The following GLG1 variants were observed in gnomAD, a reference collection of about 807,000 sequenced individuals.
The protein encoded by GLG1 is Golgi apparatus protein 1.
A neutral mutation model predicts 160.5 loss-of-function variants in GLG1; 38 were observed. That is an observed-to-expected ratio of 0.24 (90% CI 0.18 to 0.31). The LOEUF (loss-of-function observed/expected upper bound fraction) is 0.31. Among genes scored for constraint, GLG1 ranks in the 10% least tolerant of loss-of-function variants. The pLI is 1.00. For missense variants in GLG1, 1,373 were observed against 1,505.2 expected (o/e 0.91, Z 1.45); for synonymous variants, 644 against 543.4 (o/e 1.19, Z -2.57).
At chr16:74,528,638 C>A (rs1001837311) in intron 2 of GLG1, among the ~76,000 whole-genome samples, 1 of 151,360 alleles carries the variant, frequency 6.6e-6, no homozygotes, top group African/African-American at 2.4e-5. Context: ...ATGGTGAAAC[C>A]CTGTCCCTAC....
chr16:74,499,761 T>G (rs1371481110), intron 4 of GLG1, among the ~76,000 whole-genome samples: 1 of 152,200 alleles, frequency 6.6e-6, no homozygotes. Flanking sequence ...CCCAGCGCTT[T>G]GGGAGGCCGA....
intron 1 of GLG1, among the ~76,000 whole-genome samples, chr16:74,567,539 T>C (rs1461058175): frequency 6.7e-6 from 1 of 149,698 alleles, no homozygotes; most frequent in African/African-American, 2.5e-5. Flanking sequence ...AACCTTACTA[T>C]ATATGGTGCA....
At chr16:74,595,703 T>G (rs369162070) in intron 1 of GLG1, among the ~76,000 whole-genome samples, 1 of 152,392 alleles carries the variant, frequency 6.6e-6, no homozygotes, top group South Asian at 2.1e-4. Flanking sequence ...GTGCTATTCA[T>G]AAGTATGTGA....
rs200872129 is a variant in GLG1, at chr16:74,517,646, A to G, written c.472-8721T>C. Among the ~76,000 whole-genome samples the G allele has an allele frequency of 4.6e-5, 7 of 152,174 alleles. No homozygotes were observed. In the East Asian group the frequency reaches 1.3e-3, roughly 29 times the overall value. ...TCCCTTTGAAAACCAGCAAAAGACA[A>G]GGATGCCCTCTCTCACCACTCCTAT... On this transcript the variant is annotated intron_variant, in intron 2 of 25. Coordinates refer to ENST00000422840, the MANE Select transcript of GLG1 (RefSeq NM_001145667.2).
At chr16:74,479,733 C>T (rs1382033746) in intron 11 of GLG1, among the ~76,000 whole-genome samples, 1 of 152,108 alleles carries the variant, frequency 6.6e-6, no homozygotes, top group Non-Finnish European at 1.5e-5. Context: ...GGGAAGCAGC[C>T]GATGCTGCCG....
chr16:74,509,528 G>A (rs535047943), intron 2 of GLG1, among the ~76,000 whole-genome samples: 35 of 151,816 alleles, frequency 2.3e-4, no homozygotes, highest in Non-Finnish European at 4.4e-4. Context: ...TAGTTTCTAG[G>A]CATATTTATC....
chr16:74,450,130 T>C lies in GLG1; in HGVS notation c.*3037A>G, dbSNP rs1193061948. 1 of 152,284 alleles carries C rather than the reference T, an allele frequency of 6.6e-6. No individual in the cohort carries two copies. Among genetic ancestry groups the C allele is most frequent in the Non-Finnish European group, 1.5e-5 (1 of 68,110 alleles). The allele number at this position is 152,284 out of a possible 1,614,324, so 9.4% of individuals were successfully genotyped here. ...CCAGATGACAGTGACCCAGCTGCTATAACTGTTAGCAAGTACCTGAAGCCT... is the reference window on the plus strand; with the variant it reads ...CCAGATGACAGTGACCCAGCTGCTACAACTGTTAGCAAGTACCTGAAGCCT... On this transcript the variant is annotated 3_prime_UTR_variant, in exon 26 of 26. Transcript: ENST00000422840.
rs1042869840 is a variant in GLG1 at position 74,449,146 on chromosome 16, G to A, written c.*4021C>T. The A allele has an allele frequency of 2.6e-5, 4 of 152,290 alleles. No individual in the cohort carries two copies. Among genetic ancestry groups the A allele is most frequent in the Non-Finnish European group, 5.9e-5 (4 of 68,146 alleles). The allele number at this position is 152,290 out of a possible 1,614,324, so 9.4% of individuals were successfully genotyped here. A position where few individuals can be genotyped will look rare whatever the true frequency, so the allele number is the denominator to read the frequency against. Reference sequence around the variant, plus strand: ...AAAAGCCATTACGGCCAAAATTTAGGCTGACTGTTCTAGGGCTGGCTGACT... The same window carrying A: ...AAAAGCCATTACGGCCAAAATTTAGACTGACTGTTCTAGGGCTGGCTGACT... On this transcript the variant is annotated 3_prime_UTR_variant, in exon 26 of 26. Transcript: ENST00000422840.
chr16:74,491,352 A>T (rs1040956816), intron 7 of GLG1, 137 bp from the exon 8 acceptor site: 1 of 677,784 alleles, frequency 1.5e-6, no homozygotes, highest in African/African-American at 1.8e-5. Flanking sequence ...TGAAAAGTTT[A>T]GAATTAGCAA....
At chr16:74,494,932 C>T (rs1309955703) in intron 5 of GLG1, 101 bp from the exon 6 acceptor site, 3 of 599,232 alleles carry the variant, frequency 5.0e-6, no homozygotes, top group Non-Finnish European at 9.1e-6. Flanking sequence ...CGATTATAAT[C>T]GTACATACCT....
intron 8 of GLG1, among the ~76,000 whole-genome samples, chr16:74,486,770 C>G (rs999134464): frequency 6.6e-6 from 1 of 152,026 alleles, no homozygotes; most frequent in African/African-American, 2.4e-5. Context: ...TTGATTACCT[C>G]TAAGTTTTAG....
At chr16:74,480,212 A>G (rs2143307832) in intron 11 of GLG1, 29 bp downstream of exon 11, 1 of 1,546,304 alleles carries the variant, frequency 6.5e-7, no homozygotes, top group East Asian at 2.2e-5. Flanking sequence ...TGACAAGAAG[A>G]AGAAATGAAG....
At chr16:74,546,601 C>A (rs1280131024) in intron 1 of GLG1, among the ~76,000 whole-genome samples, 1 of 151,604 alleles carries the variant, frequency 6.6e-6, no homozygotes. Context: ...CTTTGGGAGG[C>A]CAAGGCAAGG....
At chr16:74,512,160 C>CTTTTTT (rs71848568) in intron 2 of GLG1, among the ~76,000 whole-genome samples, 5 of 135,846 alleles carry the variant, frequency 3.7e-5, no homozygotes, top group South Asian at 2.4e-4. Context: ...TCTTTTATTT[C>CTTTTTT]TTTTTTTTTT....
chr16:74,453,259 C>G lies in GLG1; in HGVS notation c.3448G>C (p.Val1150Leu). The stretch of plus-strand genomic sequence containing the variant: ...AATATACAGATGCTCCCACTGATCA[C>G]AGAGAGAATGTAGTTCTTAGATGGA... The part of the protein sequence containing the change: ...TSPSKNYILS[V>L]ISGSICILFL... Residue 1150 changes from valine to leucine, a missense_variant, in exon 26 of 26, where the codon GTG becomes CTG. By Grantham distance (32) the Val-to-Leu change is conservative (BLOSUM62 1). This residue lies in a region of GLG1 where 491 missense variants were observed against 632.1 expected (regional missense o/e 0.78). Coordinates refer to ENST00000422840, the MANE Select transcript of GLG1 (RefSeq NM_001145667.2). 1.9e-6 allele frequency: 3 copies of G among 1,613,700 alleles called. No individual in the cohort carries two copies. Among genetic ancestry groups the G allele is most frequent in the Non-Finnish European group, 2.5e-6 (3 of 1,179,642 alleles).
chr16:74,498,267 C>A (rs1413368346), intron 4 of GLG1, among the ~76,000 whole-genome samples: 2 of 149,428 alleles, frequency 1.3e-5, no homozygotes, highest in African/African-American at 2.5e-5. Context: ...CCTGTCTCTA[C>A]TAAAAATACA....
chr16:74,481,401 GA>G (rs1288608068), intron 10 of GLG1, among the ~76,000 whole-genome samples: 4 of 151,838 alleles, frequency 2.6e-5, no homozygotes, highest in African/African-American at 9.6e-5. Flanking sequence ...GTTAATGGGA[GA>G]AAAAAGCTAA....
chr16:74,587,984 A>C (rs1370523529), intron 1 of GLG1, among the ~76,000 whole-genome samples: 1 of 152,244 alleles, frequency 6.6e-6, no homozygotes, highest in Non-Finnish European at 1.5e-5. Context: ...CTTAAAATAC[A>C]AATTCACTGG....
chr16:74,516,800 T>C (rs1175946823), intron 2 of GLG1, among the ~76,000 whole-genome samples: 9 of 151,968 alleles, frequency 5.9e-5, no homozygotes, highest in Non-Finnish European at 1.0e-4. Context: ...ACAAAATAGA[T>C]AGACTGCTAG....
Sources: gnomAD v4.1 joint callset for allele counts (sites outside exome capture counted in the v4.1 genomes callset) on GRCh38, gnomAD v4.1.1 for gene constraint, gnomAD v4.1.1 regional missense constraint, MANE v1.5 for transcripts, NCBI Gene and HGNC (gene_info 2026-07-23, HGNC 2026-07-21) for gene names.